Variants in ZNF469 observed in about 807,000 individuals in gnomAD.
The protein encoded by ZNF469 is zinc finger protein 469.
In ZNF469, 1 loss-of-function variant was observed where a neutral mutation model predicts 1.0. The observed-to-expected ratio is 1.00, with a 90% CI of 0.35 to 4.73. ZNF469 has a LOEUF of 4.73. Ranked by LOEUF, ZNF469 falls within the 30% of genes most tolerant of loss-of-function variation. The probability of loss-of-function intolerance (pLI) is 0.16; values close to 1 mark genes in which losing one functional copy is unlikely to be tolerated. For missense variants in ZNF469, 6,100 were observed against 5,356.3 expected (o/e 1.14, Z -4.33); for synonymous variants, 2,703 against 2,363.4 (o/e 1.14, Z -4.17).
At chr16:88,352,485 G>A in the ZNF469 span, among the ~76,000 whole-genome samples, 4 of 152,326 alleles carry the variant, frequency 2.6e-5, no homozygotes, top group East Asian at 3.9e-4. Flanking sequence ...TGACGGGCAC[G>A]GAAGGGCACA....
chr16:88,267,160 T>G, the ZNF469 span, among the ~76,000 whole-genome samples: 1 of 152,214 alleles, frequency 6.6e-6, no homozygotes, highest in African/African-American at 2.4e-5. Context: ...ACTCTCTGCG[T>G]GTGGTCTGTC....
intron 1 of ZNF469, among the ~76,000 whole-genome samples, chr16:88,394,869 C>T (rs1211862543): frequency 9.2e-5 from 14 of 152,154 alleles, no homozygotes. Context: ...TACCTGGGCC[C>T]ACCACTGGGC....
chr16:88,178,772 A>G, the ZNF469 span: 151,776 of 152,304 alleles, frequency 1, 75,627 homozygotes, highest in East Asian at 1. Flanking sequence ...GAAGAGAGAC[A>G]CAGTCACTCA....
intron 1 of ZNF469, among the ~76,000 whole-genome samples, chr16:88,393,241 G>A (rs913615336): frequency 6.6e-5 from 10 of 152,376 alleles, no homozygotes; most frequent in South Asian, 6.2e-4. Context: ...GCGGCCCTCC[G>A]TGCCCGGCCA....
chr16:88,409,222 C>T (rs554552527), intron 1 of ZNF469, among the ~76,000 whole-genome samples: 1 of 152,308 alleles, frequency 6.6e-6, no homozygotes, highest in African/African-American at 2.4e-5. Flanking sequence ...CCTGACCTCA[C>T]GGTGACTCAG....
Position 88,431,019 on chromosome 16 carries a change from C to T in ZNF469, c.3549C>T (p.Ala1183=), listed in dbSNP as rs1400474424. The T allele has an allele frequency of 3.2e-6, 5 of 1,544,622 alleles. No individual in the cohort carries two copies. Among genetic ancestry groups the T allele is most frequent in the Non-Finnish European group, 4.4e-6 (5 of 1,146,616 alleles). The stretch of plus-strand genomic sequence containing the variant: ...CTCGAAGCCTGGAGACGGGAGCGGC[C>T]GCCAGGGAGGGAGGCCCCAAGTGTG... ...GPSRSLETGA[A]AREGGPKCAD... Residue 1183 remains alanine (A), a synonymous_variant, in exon 3 of 3, where the codon GCC becomes GCT. Transcript: ENST00000565624.
At chr16:88,285,731 C>T in the ZNF469 span, among the ~76,000 whole-genome samples, 4 of 152,256 alleles carry the variant, frequency 2.6e-5, no homozygotes, top group African/African-American at 9.6e-5. Flanking sequence ...TCCCTGGGCC[C>T]TCTCTGAGTG....
At chr16:88,356,887 C>T in the ZNF469 span, among the ~76,000 whole-genome samples, 2 of 151,940 alleles carry the variant, frequency 1.3e-5, no homozygotes, top group East Asian at 1.9e-4. Flanking sequence ...TGCTGAATCC[C>T]GGCTCTCCTG....
the ZNF469 span, among the ~76,000 whole-genome samples, chr16:88,346,713 C>T: frequency 6.6e-6 from 1 of 152,168 alleles, no homozygotes; most frequent in Non-Finnish European, 1.5e-5. Flanking sequence ...GATGGAGTCT[C>T]GCTATGTTGC....
the ZNF469 span, among the ~76,000 whole-genome samples, chr16:88,360,288 G>A: frequency 6.6e-6 from 1 of 152,220 alleles, no homozygotes; most frequent in South Asian, 2.1e-4. Context: ...CCATAGTGCT[G>A]GGATTACAGG....
At chr16:88,225,070 C>T in the ZNF469 span, among the ~76,000 whole-genome samples, 80,119 of 152,122 alleles carry the variant, frequency 0.53, 21,844 homozygotes, top group East Asian at 0.69. Context: ...CACTGGCCCC[C>T]CTGCCCCTTC....
chr16:88,248,549 C>T, the ZNF469 span, among the ~76,000 whole-genome samples: 3 of 152,298 alleles, frequency 2.0e-5, no homozygotes, highest in South Asian at 6.2e-4. Context: ...ACAATTCCCC[C>T]CAACTAATTT....
At chr16:88,306,446 C>A in the ZNF469 span, among the ~76,000 whole-genome samples, 6 of 152,174 alleles carry the variant, frequency 3.9e-5, no homozygotes, top group Non-Finnish European at 7.4e-5. Flanking sequence ...GCCTGCTTAG[C>A]CTGTGTGACA....
chr16:88,419,121 CGGA>C (rs994502053), intron 1 of ZNF469, among the ~76,000 whole-genome samples: 58 of 152,352 alleles, frequency 3.8e-4, no homozygotes, highest in African/African-American at 1.4e-3. Context: ...GACCTGGGAC[CGGA>C]GGCTGCTGCC....
chr16:88,239,666 TGTATATATATATA>T, the ZNF469 span, among the ~76,000 whole-genome samples: 8 of 40,596 alleles, frequency 2.0e-4, no homozygotes, highest in Admixed American at 3.6e-4. Context: ...TTTTTTTTTT[TGTATATATATATA>T]TATATATATA....
the ZNF469 span, among the ~76,000 whole-genome samples, chr16:88,122,242 C>T: frequency 1.3e-5 from 2 of 149,356 alleles, no homozygotes; most frequent in Non-Finnish European, 3.0e-5. Context: ...CTGTCACTCG[C>T]TACAGCCACG....
chr16:88,220,853 C>A, the ZNF469 span, among the ~76,000 whole-genome samples: 1 of 152,194 alleles, frequency 6.6e-6, no homozygotes, highest in African/African-American at 2.4e-5. Flanking sequence ...TAACTCTGGG[C>A]GTTTCTCCAA....
the ZNF469 span, among the ~76,000 whole-genome samples, chr16:88,354,629 C>CG: frequency 5.9e-5 from 1 of 17,080 alleles, no homozygotes; most frequent in Admixed American, 5.2e-4. Context: ...TCACCGCGCC[C>CG]GGCCCCCAGC....
the ZNF469 span, among the ~76,000 whole-genome samples, chr16:88,330,408 C>T: frequency 6.6e-6 from 1 of 152,264 alleles, no homozygotes; most frequent in Non-Finnish European, 1.5e-5. Context: ...AAAAGTCATG[C>T]CCATTCAGGC....
Sources: gnomAD v4.1 joint callset for allele counts (sites outside exome capture counted in the v4.1 genomes callset) on GRCh38, gnomAD v4.1.1 for gene constraint, MANE v1.5 for transcripts, NCBI Gene and HGNC (gene_info 2026-07-23, HGNC 2026-07-21) for gene names.